Variants in LRP1B observed in about 807,000 individuals in gnomAD.
LRP1B encodes the protein low-density lipoprotein receptor-related protein 1B.
A neutral mutation model predicts 556.6 loss-of-function variants in LRP1B; 217 were observed. That is an observed-to-expected ratio of 0.39 (90% CI 0.35 to 0.44). LRP1B has a LOEUF of 0.44. Ranked by LOEUF, LRP1B falls within the 20% of genes least tolerant of loss-of-function variation. The pLI is 1.00. For missense variants in LRP1B, 5,053 were observed against 5,620.8 expected (o/e 0.90, Z 3.23); for synonymous variants, 2,047 against 1,865.8 (o/e 1.10, Z -2.50).
chr2:140,256,129 C>T (rs13020530), intron 86 of LRP1B, among the ~76,000 whole-genome samples: 93,075 of 151,910 alleles, frequency 0.61, 29,406 homozygotes, highest in Non-Finnish European at 0.7. Context: ...CATCAATTCA[C>T]TTAAATAAAT....
chr2:142,095,872 C>T (rs569734668), intron 1 of LRP1B, among the ~76,000 whole-genome samples: 1 of 151,416 alleles, frequency 6.6e-6, no homozygotes, highest in East Asian at 1.9e-4. Flanking sequence ...AAAATCCAAC[C>T]CCAAAAAACA....
chr2:141,968,084 T>G (rs1168299200), intron 1 of LRP1B, among the ~76,000 whole-genome samples: 1 of 151,862 alleles, frequency 6.6e-6, no homozygotes, highest in African/African-American at 2.4e-5. Context: ...TACTTAGGCT[T>G]GCACCCTGTA....
chr2:142,061,205 T>G (rs1353652991), intron 1 of LRP1B, among the ~76,000 whole-genome samples: 2 of 151,952 alleles, frequency 1.3e-5, no homozygotes, highest in African/African-American at 4.8e-5. Context: ...AGTAAAGCAA[T>G]GCTCAGAGTG....
intron 1 of LRP1B, among the ~76,000 whole-genome samples, chr2:142,109,891 G>T (rs191413978): frequency 3.9e-5 from 6 of 152,158 alleles, no homozygotes; most frequent in East Asian, 3.9e-4. Flanking sequence ...TTCCTCACAG[G>T]CCCCTTACCT....
intron 83 of LRP1B, among the ~76,000 whole-genome samples, chr2:140,311,881 C>T (rs1684320705): frequency 6.6e-6 from 1 of 151,616 alleles, no homozygotes; most frequent in Non-Finnish European, 1.5e-5. Flanking sequence ...GGATTTTATG[C>T]CCCACGTACA....
Position 140,678,214 on chromosome 2 carries a change from G to A in LRP1B, c.6799+22036C>T, listed in dbSNP as rs182604624. Among the ~76,000 whole-genome samples, 5 of 152,290 alleles carry A rather than the reference G, an allele frequency of 3.3e-5. No homozygotes were observed. The East Asian group carries it at 9.7e-4, about 29-fold the overall frequency. ...AAGAAACAAAAAAGACATTCATGAA[G>A]AATGATGTGGACAGGTATGAAAGGC... is the stretch of plus-strand genomic sequence containing the variant. On this transcript the variant is annotated intron_variant, in intron 41 of 90. Coordinates refer to ENST00000389484, the MANE Select transcript of LRP1B (RefSeq NM_018557.3).
chr2:141,313,255 T>A (rs1028644670), intron 3 of LRP1B, among the ~76,000 whole-genome samples: 8 of 152,166 alleles, frequency 5.3e-5, no homozygotes, highest in African/African-American at 1.2e-4. Context: ...GACATTGTTT[T>A]CCTCTTGATG....
chr2:141,717,550 C>A (rs1293885248), intron 2 of LRP1B, among the ~76,000 whole-genome samples: 1 of 152,086 alleles, frequency 6.6e-6, no homozygotes, highest in Non-Finnish European at 1.5e-5. Flanking sequence ...AAAGCTGATT[C>A]AATCTAGGGC....
chr2:141,054,980 T>A (rs1368173574), intron 10 of LRP1B, 136 bp downstream of exon 10: 1 of 799,026 alleles, frequency 1.3e-6, no homozygotes, highest in Non-Finnish European at 1.8e-6. Context: ...TTGAGAAAAA[T>A]GGACAGTATA....
At chr2:141,084,688 C>T (rs1700006114) in intron 7 of LRP1B, among the ~76,000 whole-genome samples, 1 of 150,844 alleles carries the variant, frequency 6.6e-6, no homozygotes, top group Non-Finnish European at 1.5e-5. Flanking sequence ...CTCGCTCTGT[C>T]CCCCAGACTG....
intron 7 of LRP1B, among the ~76,000 whole-genome samples, chr2:141,112,083 A>AAATT (rs1700771142): frequency 6.6e-6 from 1 of 150,390 alleles, no homozygotes; most frequent in Non-Finnish European, 1.5e-5. Flanking sequence ...ATAAATAAAT[A>AAATT]AATAAATAAA....
At chr2:141,311,010 C>A (rs1686793758) in intron 3 of LRP1B, among the ~76,000 whole-genome samples, 1 of 152,102 alleles carries the variant, frequency 6.6e-6, no homozygotes, top group African/African-American at 2.4e-5. Context: ...TGATTCACAG[C>A]CCTAAAGTTA....
chr2:140,883,030 T>A (rs914474126), intron 25 of LRP1B, among the ~76,000 whole-genome samples: 1 of 152,190 alleles, frequency 6.6e-6, no homozygotes, highest in African/African-American at 2.4e-5. Context: ...CTCCCATGTA[T>A]ATCATCTCCT....
At chr2:140,968,631 A>G (rs1696311627) in intron 18 of LRP1B, among the ~76,000 whole-genome samples, 1 of 151,988 alleles carries the variant, frequency 6.6e-6, no homozygotes, top group African/African-American at 2.4e-5. Context: ...TAAGGCGTCA[A>G]TTTTGGATCT....
chr2:140,444,179 C>T, intron 65 of LRP1B, 151 bp downstream of exon 65: 1 of 732,648 alleles, frequency 1.4e-6, no homozygotes, highest in Non-Finnish European at 2.1e-6. Context: ...TTTAGAGCTT[C>T]TATCCCAGTT....
chr2:141,074,796 C>T (rs1699745510), intron 7 of LRP1B, among the ~76,000 whole-genome samples: 1 of 151,902 alleles, frequency 6.6e-6, no homozygotes, highest in African/African-American at 2.4e-5. Flanking sequence ...CCAGATTATA[C>T]AGCATAGCTC....
At chr2:141,976,383 T>C (rs1701887885) in intron 1 of LRP1B, among the ~76,000 whole-genome samples, 1 of 152,174 alleles carries the variant, frequency 6.6e-6, no homozygotes, top group African/African-American at 2.4e-5. Context: ...ATGGAGAGTT[T>C]GTAAGAATTC....
At chr2:141,396,034 C>G (rs1690227791) in intron 3 of LRP1B, among the ~76,000 whole-genome samples, 1 of 152,142 alleles carries the variant, frequency 6.6e-6, no homozygotes. Flanking sequence ...GCTGACAAGA[C>G]TAAAGCCATT....
chr2:140,536,813 A>G (rs1679919830), intron 45 of LRP1B, 104 bp from the exon 46 acceptor site: 4 of 784,260 alleles, frequency 5.1e-6, no homozygotes, highest in Non-Finnish European at 7.9e-6. Flanking sequence ...ATAAACTAAA[A>G]TTTATCAAAA....
Sources: gnomAD v4.1 joint callset for allele counts (sites outside exome capture counted in the v4.1 genomes callset) on GRCh38, gnomAD v4.1.1 for gene constraint, MANE v1.5 for transcripts, NCBI Gene and HGNC (gene_info 2026-07-23, HGNC 2026-07-21) for gene names.